Variants in RAB3C observed in about 807,000 individuals in gnomAD.
RAB3C encodes ras-related protein Rab-3C.
RAB3C carries 17 observed loss-of-function variants against 26.4 expected under a neutral mutation model. That is an observed-to-expected ratio of 0.64 (90% confidence interval 0.44 to 0.97). The LOEUF (loss-of-function observed/expected upper bound fraction) is 0.97, where lower values mean the gene tolerates loss of function less well. RAB3C is among the 50% of genes least tolerant of loss of function. RAB3C has a pLI of 0.00. For synonymous variants in RAB3C, 91 were observed against 95.9 expected, an observed-to-expected ratio of 0.95 and a Z score of 0.30; for missense variants, 242 against 281.9, an observed-to-expected ratio of 0.86 and a Z score of 1.01.
At chr5:58,595,378 T>C (rs566540967) in intron 1 of RAB3C, among the ~76,000 whole-genome samples, 9 of 152,216 alleles carry the variant, frequency 5.9e-5, no homozygotes, top group African/African-American at 2.2e-4. Context: ...ATCATGATGG[T>C]GAGATCTGCT....
At chr5:58,822,696 T>G in intron 3 of RAB3C, 1 of 441,350 alleles carries the variant, frequency 2.3e-6, no homozygotes, top group Non-Finnish European at 4.3e-6. Flanking sequence ...GTCAGATTAC[T>G]TATGCCCATA....
chr5:58,698,883 C>T (rs1332570588), intron 2 of RAB3C, among the ~76,000 whole-genome samples: 1 of 152,172 alleles, frequency 6.6e-6, no homozygotes, highest in Non-Finnish European at 1.5e-5. Flanking sequence ...CCTCCTTTAG[C>T]TCGGAGAAGT....
intron 2 of RAB3C, among the ~76,000 whole-genome samples, chr5:58,675,904 A>G (rs981824732): frequency 1.3e-4 from 20 of 151,846 alleles, no homozygotes; most frequent in African/African-American, 4.1e-4. Context: ...CATTCTGCTC[A>G]AGTCTAGCTC....
chr5:58,745,193 C>A (rs1190556643), intron 3 of RAB3C, among the ~76,000 whole-genome samples: 1 of 151,724 alleles, frequency 6.6e-6, no homozygotes, highest in Admixed American at 6.6e-5. Context: ...GTCAGGAGAT[C>A]GAGACCATCC....
intron 3 of RAB3C, among the ~76,000 whole-genome samples, chr5:58,801,036 G>A (rs1485197054): frequency 1.3e-5 from 2 of 152,122 alleles, no homozygotes; most frequent in African/African-American, 4.8e-5. Flanking sequence ...TATCACTGGG[G>A]CTGCAAAAGC....
chr5:58,610,222 G>GTGTGTGTGTGTGTGTA (rs1203631534), intron 1 of RAB3C, among the ~76,000 whole-genome samples: 1 of 151,588 alleles, frequency 6.6e-6, no homozygotes, highest in African/African-American at 2.4e-5. Flanking sequence ...GTGTGTGTGT[G>GTGTGTGTGTGTGTGTA]TACATACGTT....
intron 2 of RAB3C, among the ~76,000 whole-genome samples, chr5:58,718,630 C>A (rs2074629553): frequency 1.3e-5 from 2 of 151,982 alleles, no homozygotes; most frequent in South Asian, 4.1e-4. Flanking sequence ...CAAGAAAAAT[C>A]TGATCAATAA....
rs189240543 is a variant in RAB3C, at chr5:58,648,600, G to T, written c.252+30730G>T. Among the ~76,000 whole-genome samples, 51 of 152,218 alleles carry T rather than the reference G, an allele frequency of 3.4e-4. 1 individual carries two copies. The highest frequency in any genetic ancestry group is 3.2e-3 in the Admixed American group (49 of 15,292). ...GATCTGGAAACTTGTTTCTTGAAAAGAACCTAAAGGTCTTTGTGGAATATT... is the reference window on the plus strand; with the variant it reads ...GATCTGGAAACTTGTTTCTTGAAAATAACCTAAAGGTCTTTGTGGAATATT... On this transcript the variant is annotated intron_variant, in intron 2 of 4. Coordinates refer to ENST00000282878, the MANE Select transcript of RAB3C (RefSeq NM_138453.4).
intron 2 of RAB3C, among the ~76,000 whole-genome samples, chr5:58,695,539 T>C (rs1382699138): frequency 6.6e-6 from 1 of 152,262 alleles, no homozygotes; most frequent in African/African-American, 2.4e-5. Context: ...ACAATACTGA[T>C]TCTTTCTATC....
At chr5:58,697,679 G>T (rs981045608) in intron 2 of RAB3C, among the ~76,000 whole-genome samples, 5 of 152,048 alleles carry the variant, frequency 3.3e-5, no homozygotes, top group Non-Finnish European at 7.4e-5. Flanking sequence ...ATTATGTAAC[G>T]GTCTTCTTTG....
rs770325703 is a variant in RAB3C, at chr5:58,811,616, C to T, written c.372-13422C>T. 2.6e-5 allele frequency among the ~76,000 whole-genome samples: 4 copies of T among 152,132 alleles called. 1 individual carries two copies. On this transcript the variant is annotated intron_variant, in intron 3 of 4. Transcript: ENST00000282878. Reference sequence around the variant, plus strand: ...AGAATAATCTTTCCTTACCTTCCTGCATATCATTTTCCTTTCCTCCTCTCT... The same window carrying T: ...AGAATAATCTTTCCTTACCTTCCTGTATATCATTTTCCTTTCCTCCTCTCT...
At chr5:58,792,469 G>T (rs1451530067) in intron 3 of RAB3C, among the ~76,000 whole-genome samples, 3 of 152,150 alleles carry the variant, frequency 2.0e-5, no homozygotes, top group Non-Finnish European at 4.4e-5. Flanking sequence ...ACAAAGGAAA[G>T]GGGAAAGTGG....
At chr5:58,787,312 G>A (rs1014193406) in intron 3 of RAB3C, among the ~76,000 whole-genome samples, 38 of 152,190 alleles carry the variant, frequency 2.5e-4, no homozygotes, top group Non-Finnish European at 7.3e-5. Flanking sequence ...GTAGATTTCA[G>A]TTGTCGATGA....
chr5:58,721,948 A>C (rs1385010811), intron 2 of RAB3C, among the ~76,000 whole-genome samples: 1 of 151,168 alleles, frequency 6.6e-6, no homozygotes, highest in East Asian at 2.0e-4. Context: ...TTTTTTTCTT[A>C]AAAGCTGGTT....
intron 3 of RAB3C, among the ~76,000 whole-genome samples, chr5:58,816,449 T>G (rs902305477): frequency 3.9e-5 from 6 of 152,106 alleles, no homozygotes; most frequent in African/African-American, 1.4e-4. Context: ...TTATTTTCCT[T>G]TCATATTTTA....
rs145082090 is a variant in RAB3C at position 58,715,263 on chromosome 5, T to C, written c.253-10739T>C. 1.2e-4 allele frequency among the ~76,000 whole-genome samples: 18 copies of C among 152,154 alleles called. No homozygotes were observed. The East Asian group carries it at 3.1e-3, about 26-fold the overall frequency. On this transcript the variant is annotated intron_variant, in intron 2 of 4. Transcript: ENST00000282878. ...TTCTTCTTGAAGATACTACTAGCCT[T>C]TTCTCCAGGACTAAAAGTATTTTTT... is the stretch of plus-strand genomic sequence containing the variant.
rs1744236734 is a variant in RAB3C, at chr5:58,855,432, T to C, written c.*4081T>C. The C allele has an allele frequency of 6.6e-6, 1 of 152,196 alleles. No homozygotes were observed. Among genetic ancestry groups the C allele is most frequent in the African/African-American group, 2.4e-5 (1 of 41,456 alleles). 9.4% of individuals were successfully genotyped at this position (152,196 alleles called of 1,614,324 possible). A position where few individuals can be genotyped will look rare whatever the true frequency, so the allele number is the denominator to read the frequency against. On this transcript the variant is annotated 3_prime_UTR_variant, in exon 5 of 5. Coordinates refer to ENST00000282878, the MANE Select transcript of RAB3C (RefSeq NM_138453.4). ...AACCCTTTCTCTCACAATTACAGTT[T>C]GCATGACTAGAACCCGGAACTCTGT...
At chr5:58,599,445 C>T (rs1353739137) in intron 1 of RAB3C, among the ~76,000 whole-genome samples, 1 of 152,086 alleles carries the variant, frequency 6.6e-6, no homozygotes, top group Non-Finnish European at 1.5e-5. Context: ...TTGTCAGGGT[C>T]TAGGGGCTCT....
intron 3 of RAB3C, among the ~76,000 whole-genome samples, chr5:58,795,146 C>G (rs1372368836): frequency 6.6e-6 from 1 of 152,076 alleles, no homozygotes; most frequent in East Asian, 1.9e-4. Flanking sequence ...AGGGGAGTTC[C>G]CCTACACATG....
Sources: gnomAD v4.1 joint callset for allele counts (sites outside exome capture counted in the v4.1 genomes callset) on GRCh38, gnomAD v4.1.1 for gene constraint, MANE v1.5 for transcripts, NCBI Gene and HGNC (gene_info 2026-07-23, HGNC 2026-07-21) for gene names.